The following KCNH1 variants were observed in gnomAD, a reference collection of about 807,000 sequenced individuals.
The protein encoded by KCNH1 is potassium voltage-gated channel subfamily H member 1.
In KCNH1, 27 loss-of-function variants were observed where a neutral mutation model predicts 69.2. That is an observed-to-expected ratio of 0.39 (90% CI 0.29 to 0.54). The LOEUF (loss-of-function observed/expected upper bound fraction) is 0.54, where lower values mean the gene tolerates loss of function less well. Ranked by LOEUF, KCNH1 falls within the 20% of genes least tolerant of loss-of-function variation. The probability of loss-of-function intolerance (pLI) is 0.68; values close to 1 mark genes in which losing one functional copy is unlikely to be tolerated. For synonymous variants in KCNH1, 456 were observed against 487.7 expected, an observed-to-expected ratio of 0.93 and a Z score of 0.86; for missense variants, 798 against 1,261.6, an observed-to-expected ratio of 0.63 and a Z score of 5.57.
chr1:210,997,707 T>C (rs1015950837), intron 6 of KCNH1, among the ~76,000 whole-genome samples: 1 of 152,094 alleles, frequency 6.6e-6, no homozygotes, highest in African/African-American at 2.4e-5. Context: ...AGACACATAA[T>C]TGTCAGATTC....
chr1:211,103,177 C>T (rs1266227996), intron 3 of KCNH1, among the ~76,000 whole-genome samples: 1 of 152,190 alleles, frequency 6.6e-6, no homozygotes, highest in Non-Finnish European at 1.5e-5. Context: ...CTTCTCCCTC[C>T]CTTGTTAAAA....
chr1:211,105,487 T>C (rs1009055813), intron 2 of KCNH1, among the ~76,000 whole-genome samples: 9 of 152,170 alleles, frequency 5.9e-5, no homozygotes, highest in African/African-American at 1.9e-4. Flanking sequence ...TTGCAAATGC[T>C]TACAACGCAC....
intron 6 of KCNH1, among the ~76,000 whole-genome samples, chr1:210,935,293 C>T (rs1225050485): frequency 6.6e-6 from 1 of 151,942 alleles, no homozygotes; most frequent in African/African-American, 2.4e-5. Flanking sequence ...TACATGTTCA[C>T]ACTCATATAT....
intron 5 of KCNH1, among the ~76,000 whole-genome samples, chr1:211,069,589 A>G (rs1395556865): frequency 6.6e-6 from 1 of 152,210 alleles, no homozygotes; most frequent in African/African-American, 2.4e-5. Context: ...TGATATAAAG[A>G]ATGTCTTTGG....
chr1:210,838,285 A>G (rs1685328911), intron 7 of KCNH1, among the ~76,000 whole-genome samples: 1 of 152,220 alleles, frequency 6.6e-6, no homozygotes, highest in African/African-American at 2.4e-5. Flanking sequence ...AGAACTGGCT[A>G]GGCATATGCA....
intron 10 of KCNH1, among the ~76,000 whole-genome samples, chr1:210,709,551 A>G (rs948634819): frequency 6.6e-6 from 1 of 152,224 alleles, no homozygotes; most frequent in Admixed American, 6.5e-5. Flanking sequence ...CACAGACTTA[A>G]GACAGACAAT....
chr1:210,702,387 C>A (rs1418387072), intron 10 of KCNH1, among the ~76,000 whole-genome samples: 1 of 151,688 alleles, frequency 6.6e-6, no homozygotes, highest in Non-Finnish European at 1.5e-5. Flanking sequence ...ATTTTATTAC[C>A]TTCCTCCTCC....
At chr1:210,710,593 C>T (rs1682048854) in intron 10 of KCNH1, among the ~76,000 whole-genome samples, 1 of 152,150 alleles carries the variant, frequency 6.6e-6, no homozygotes, top group Non-Finnish European at 1.5e-5. Flanking sequence ...GGAACCACTA[C>T]CATTGATGGC....
chr1:210,936,421 T>C (rs181282225), intron 6 of KCNH1, among the ~76,000 whole-genome samples: 1 of 152,278 alleles, frequency 6.6e-6, no homozygotes, highest in Admixed American at 6.5e-5. Flanking sequence ...CTCCCTTACA[T>C]CCTGGAGTTA....
intron 10 of KCNH1, among the ~76,000 whole-genome samples, chr1:210,747,750 T>C (rs902051709): frequency 2.0e-5 from 3 of 152,198 alleles, no homozygotes; most frequent in African/African-American, 7.2e-5. Flanking sequence ...AGTTCTTTAC[T>C]ATGATTTCAC....
chr1:211,076,125 G>A (rs1032244613), intron 5 of KCNH1, among the ~76,000 whole-genome samples: 4 of 152,228 alleles, frequency 2.6e-5, no homozygotes, highest in Admixed American at 2.6e-4. Flanking sequence ...AAGGCCTACT[G>A]CCTCTGTAGT....
chr1:210,826,787 T>C (rs1049759184), intron 7 of KCNH1, among the ~76,000 whole-genome samples: 2 of 152,230 alleles, frequency 1.3e-5, no homozygotes, highest in African/African-American at 2.4e-5. Flanking sequence ...TGACTATGTG[T>C]GAAAAGCAGC....
At chr1:210,972,605 G>A (rs531788849) in intron 6 of KCNH1, among the ~76,000 whole-genome samples, 1 of 152,238 alleles carries the variant, frequency 6.6e-6, no homozygotes, top group South Asian at 2.1e-4. Context: ...TAAAATGATA[G>A]ATTTTAAAAA....
chr1:211,107,144 G>T, intron 2 of KCNH1, 110 bp downstream of exon 2: 2 of 1,209,906 alleles, frequency 1.7e-6, no homozygotes, highest in Non-Finnish European at 2.4e-6. Flanking sequence ...ATTTTCCTGT[G>T]AATACACACT....
chr1:210,741,729 A>G (rs1934630), intron 10 of KCNH1, among the ~76,000 whole-genome samples: 127,451 of 152,158 alleles, frequency 0.84, 53,454 homozygotes, highest in East Asian at 0.88. Context: ...TGTGTACAAG[A>G]GACCAGCCCT....
chr1:211,002,093 A>G (rs1468857681), intron 6 of KCNH1, among the ~76,000 whole-genome samples: 1 of 152,028 alleles, frequency 6.6e-6, no homozygotes, highest in African/African-American at 2.4e-5. Context: ...GCACACCAAC[A>G]TGGCACATGT....
Position 211,002,313 on chromosome 1 carries a change from C to T in KCNH1, c.1032+16470G>A, listed in dbSNP as rs184152100. Among the ~76,000 whole-genome samples the T allele has an allele frequency of 3.6e-3, 475 of 133,784 alleles. 2 individuals are homozygous for T. Among genetic ancestry groups the T allele is most frequent in the East Asian group, 0.03 (145 of 4,864 alleles). 87.8% of individuals were successfully genotyped at this position (133,784 alleles called of 152,430 possible). A position where few individuals can be genotyped will look rare whatever the true frequency, so the allele number is the denominator to read the frequency against. On this transcript the variant is annotated intron_variant, in intron 6 of 10. Transcript: ENST00000271751. ...ACATGTATATATGTATACATGTATA[C>T]GTGTATATATATATGTGTGTGTGTG...
intron 1 of KCNH1, among the ~76,000 whole-genome samples, chr1:211,118,859 T>G (rs1691634209): frequency 6.6e-6 from 1 of 152,250 alleles, no homozygotes; most frequent in Non-Finnish European, 1.5e-5. Flanking sequence ...TGACTCAGTT[T>G]GGCAATTACG....
At chr1:211,022,295 C>G (rs1024260689) in intron 5 of KCNH1, among the ~76,000 whole-genome samples, 3 of 152,032 alleles carry the variant, frequency 2.0e-5, no homozygotes, top group African/African-American at 4.8e-5. Context: ...GAAATTAGAC[C>G]CCTATCTCTT....
Sources: allele counts gnomAD v4.1 joint callset (sites outside exome capture counted in the v4.1 genomes callset), GRCh38; gene constraint gnomAD v4.1.1; transcripts MANE v1.5; gene names NCBI Gene and HGNC (gene_info 2026-07-23, HGNC 2026-07-21).